PLCB1: variants seen among roughly 807,000 people sequenced by gnomAD.
PLCB1 encodes the protein 1-phosphatidylinositol 4,5-bisphosphate phosphodiesterase beta-1.
A neutral mutation model predicts 161.8 loss-of-function variants in PLCB1; 46 were observed. That is an observed-to-expected ratio of 0.28 (90% CI 0.22 to 0.36). PLCB1 has a LOEUF of 0.36. Ranked by LOEUF, PLCB1 falls within the 10% of genes least tolerant of loss-of-function variation. PLCB1 has a pLI of 1.00. For synonymous variants in PLCB1, 517 were observed against 503.7 expected (o/e 1.03, Z -0.35); for missense variants, 1,016 against 1,472.5 (o/e 0.69, Z 5.07).
At chr20:8,252,791 G>T (rs1012774751) in intron 2 of PLCB1, among the ~76,000 whole-genome samples, 1 of 151,898 alleles carries the variant, frequency 6.6e-6, no homozygotes, top group South Asian at 2.1e-4. Flanking sequence ...TGTATGTAGG[G>T]AACAGCATTA....
intron 4 of PLCB1, among the ~76,000 whole-genome samples, chr20:8,629,809 TTTCTTTC>T (rs1988474814): frequency 1.3e-5 from 1 of 76,010 alleles, no homozygotes; most frequent in Non-Finnish European, 2.9e-5. Context: ...TTTTCTTTCT[TTTCTTTC>T]TTTTCTTTCT....
intron 3 of PLCB1, among the ~76,000 whole-genome samples, chr20:8,455,374 A>AATTGCTAT (rs1380249645): frequency 6.7e-6 from 1 of 149,482 alleles, no homozygotes; most frequent in Non-Finnish European, 1.5e-5. Flanking sequence ...TCTGGAAGGT[A>AATTGCTAT]ATTGCTATAC....
chr20:8,473,028 GGAGAAA>G (rs1982122298), intron 3 of PLCB1, among the ~76,000 whole-genome samples: 1 of 152,154 alleles, frequency 6.6e-6, no homozygotes, highest in African/African-American at 2.4e-5. Flanking sequence ...CAAGCCAGAA[GGAGAAA>G]GAGTATGGAC....
At position 8,222,924 on chromosome 20, in the gene PLCB1, T is replaced by C. The variant is rs114452844; in HGVS notation, c.177+72553T>C. On this transcript the variant is annotated intron_variant, in intron 2 of 31. Coordinates refer to ENST00000338037, the MANE Select transcript of PLCB1 (RefSeq NM_015192.4). Reference sequence around the variant, plus strand: ...CATCCTTTCTGTAAATGTGTCATGGTAATAGTATTTGATTAGCTAAATTAT... The same window carrying C: ...CATCCTTTCTGTAAATGTGTCATGGCAATAGTATTTGATTAGCTAAATTAT... Among the ~76,000 whole-genome samples, 1,137 of 152,228 alleles carry C rather than the reference T, an allele frequency of 7.5e-3. 11 individuals carry two copies. The highest frequency in any genetic ancestry group is 0.024 in the African/African-American group (1,015 of 41,546).
At position 8,602,673 on chromosome 20, in the gene PLCB1, A is replaced by G. The variant is rs142300816; in HGVS notation, c.247-25621A>G. On this transcript the variant is annotated intron_variant, in intron 3 of 31. Coordinates refer to ENST00000338037, the MANE Select transcript of PLCB1 (RefSeq NM_015192.4). ...TGCTTAATTGTTCTCTTCTTGAGCT[A>G]TTGTTCTTGATGATTTAGAAAACCT... Among the ~76,000 whole-genome samples, 11 of 152,330 alleles carry G rather than the reference A, an allele frequency of 7.2e-5. No homozygotes were observed. The East Asian group carries it at 1.9e-3, about 27-fold the overall frequency.
At chr20:8,663,865 A>G (rs139363237) in intron 9 of PLCB1, among the ~76,000 whole-genome samples, 12 of 152,262 alleles carry the variant, frequency 7.9e-5, no homozygotes, top group African/African-American at 2.9e-4. Flanking sequence ...CAAAATGTTC[A>G]TGAATATCGT....
chr20:8,573,456 A>G (rs982237985), intron 3 of PLCB1, among the ~76,000 whole-genome samples: 1 of 152,212 alleles, frequency 6.6e-6, no homozygotes, highest in East Asian at 1.9e-4. Context: ...ATTATTTTCA[A>G]TGCTGCATAC....
intron 9 of PLCB1, among the ~76,000 whole-genome samples, chr20:8,681,086 G>A (rs374502255): frequency 0.023 from 1,661 of 73,584 alleles, 88 homozygotes; most frequent in African/African-American, 0.083. Context: ...ATGTGTGTGT[G>A]TATATATATA....
rs1260238472 is a variant in PLCB1, at chr20:8,246,604, T to G, written c.177+96233T>G. Among the ~76,000 whole-genome samples, 4 of 151,894 alleles carry G rather than the reference T, an allele frequency of 2.6e-5. No homozygotes were observed. The East Asian group carries it at 7.8e-4, about 30-fold the overall frequency. ...CATAGCAGAAGGCAAAGAAAGAGGTTGAGGAATAATTGCAGCTATTTCATT... is the reference window on the plus strand; with the variant it reads ...CATAGCAGAAGGCAAAGAAAGAGGTGGAGGAATAATTGCAGCTATTTCATT... On this transcript the variant is annotated intron_variant, in intron 2 of 31. Transcript: ENST00000338037.
chr20:8,523,490 C>CAATATATATATATATATATA, intron 3 of PLCB1, among the ~76,000 whole-genome samples: 1 of 67,728 alleles, frequency 1.5e-5, no homozygotes, highest in African/African-American at 6.5e-5. Context: ...CTCTCTCTCT[C>CAATATATATATATATATATA]TCTCTCTATA....
chr20:8,577,135 TTAA>T (rs1387776326), intron 3 of PLCB1, among the ~76,000 whole-genome samples: 1 of 152,086 alleles, frequency 6.6e-6, no homozygotes, highest in African/African-American at 2.4e-5. Context: ...TAAATACTTT[TTAA>T]GAGTCTTGAG....
intron 3 of PLCB1, among the ~76,000 whole-genome samples, chr20:8,391,824 T>TATATATAC (rs1157204782): frequency 1.6e-4 from 18 of 115,380 alleles, no homozygotes; most frequent in African/African-American, 5.2e-4. Context: ...TATATATATA[T>TATATATAC]ACACACACAT....
intron 2 of PLCB1, among the ~76,000 whole-genome samples, chr20:8,164,917 C>A (rs2051660438): frequency 6.6e-6 from 1 of 152,134 alleles, no homozygotes; most frequent in South Asian, 2.1e-4. Context: ...TGTCCCTTTG[C>A]AGTTAGAATT....
rs577012782 is a variant in PLCB1 at position 8,540,523 on chromosome 20, T to C, written c.247-87771T>C. 2.3e-3 allele frequency among the ~76,000 whole-genome samples: 346 copies of C among 152,298 alleles called. 1 individual carries two copies. The highest frequency in any genetic ancestry group is 4.4e-3 in the Admixed American group (68 of 15,302). ...ATTATATCTCAGAAAGTCTGCCCCTTGTGCCTGTCAGCCTGAATGGGACCT... is the reference window on the plus strand; with the variant it reads ...ATTATATCTCAGAAAGTCTGCCCCTCGTGCCTGTCAGCCTGAATGGGACCT... On this transcript the variant is annotated intron_variant, in intron 3 of 31. Transcript: ENST00000338037.
chr20:8,730,371 G>A (rs917195844), intron 18 of PLCB1, among the ~76,000 whole-genome samples: 4 of 149,568 alleles, frequency 2.7e-5, no homozygotes, highest in South Asian at 2.1e-4. Context: ...GGAATTACAC[G>A]TTAATAGATA....
intron 2 of PLCB1, among the ~76,000 whole-genome samples, chr20:8,270,720 G>A (rs1490364329): frequency 2.6e-5 from 4 of 152,066 alleles, no homozygotes; most frequent in Admixed American, 1.3e-4. Flanking sequence ...TTATTCTTTA[G>A]TGTGTGTTTA....
intron 23 of PLCB1, among the ~76,000 whole-genome samples, chr20:8,743,881 C>T (rs950360757): frequency 1.3e-5 from 2 of 152,004 alleles, no homozygotes; most frequent in Non-Finnish European, 2.9e-5. Context: ...CTCATATGAA[C>T]ATCAGTATGA....
At chr20:8,375,234 G>A (rs1218281756) in intron 3 of PLCB1, among the ~76,000 whole-genome samples, 10 of 151,872 alleles carry the variant, frequency 6.6e-5, no homozygotes, top group Admixed American at 2.0e-4. Context: ...CCCTCCTTCC[G>A]GCCCTCCCAG....
At chr20:8,647,150 C>T (rs1218075114) in intron 5 of PLCB1, among the ~76,000 whole-genome samples, 1 of 152,184 alleles carries the variant, frequency 6.6e-6, no homozygotes, top group African/African-American at 2.4e-5. Context: ...CTCTTCCCTT[C>T]CTTTCTTCCT....
Sources: allele counts gnomAD v4.1 joint callset (sites outside exome capture counted in the v4.1 genomes callset), GRCh38; gene constraint gnomAD v4.1.1; transcripts MANE v1.5; gene names NCBI Gene and HGNC (gene_info 2026-07-23, HGNC 2026-07-21).